Variants in LANCL3 observed in about 807,000 individuals in gnomAD.
LANCL3 encodes LanC like family member 3.
A neutral mutation model predicts 26.5 loss-of-function variants in LANCL3; 19 were observed. The ratio of observed to expected loss-of-function variants is 0.72; its 90% CI spans 0.50 to 1.05. The LOEUF is 1.05. LANCL3 is among the 50% of genes least tolerant of loss of function. The pLI is 0.00. For synonymous variants in LANCL3, 160 were observed against 166.6 expected (o/e 0.96, Z 0.30); for missense variants, 318 against 362.7 (o/e 0.88, Z 1.00).
intron 1 of LANCL3, among the ~76,000 whole-genome samples, chrX:37,636,348 T>C (rs1556425343): frequency 8.9e-6 from 1 of 112,081 alleles, no homozygotes. Context: ...ACTTGCTGGG[T>C]CAAATGGTGG....
chrX:37,675,080 T>A (rs1556436899), intron 4 of LANCL3, among the ~76,000 whole-genome samples: 1 of 112,288 alleles, frequency 8.9e-6, no homozygotes, highest in South Asian at 3.7e-4. Flanking sequence ...TCAAAAATAA[T>A]CTGTCTTGTA....
At chrX:37,599,247 G>A (rs1357003741) in intron 1 of LANCL3, among the ~76,000 whole-genome samples, 2 of 111,859 alleles carry the variant, frequency 1.8e-5, no homozygotes, top group Non-Finnish European at 3.8e-5. Flanking sequence ...GTTATTTTGT[G>A]AAAATATCAG....
intron 1 of LANCL3, among the ~76,000 whole-genome samples, chrX:37,585,667 C>T (rs1924049920): frequency 9.0e-6 from 1 of 111,532 alleles, no homozygotes; most frequent in African/African-American, 3.3e-5. Flanking sequence ...CCCTCCATCC[C>T]TTTATTTTGA....
At chrX:37,596,610 C>T (rs1924436656) in intron 1 of LANCL3, among the ~76,000 whole-genome samples, 1 of 111,866 alleles carries the variant, frequency 8.9e-6, no homozygotes, top group Non-Finnish European at 1.9e-5. Flanking sequence ...AGTATGTTCA[C>T]AGTGTCTTCT....
intron 1 of LANCL3, among the ~76,000 whole-genome samples, chrX:37,648,567 G>A (rs1362214950): frequency 2.7e-5 from 3 of 111,897 alleles, no homozygotes; most frequent in South Asian, 3.7e-4. Flanking sequence ...ACTTCATGAC[G>A]AAAACGCCAA....
intron 1 of LANCL3, among the ~76,000 whole-genome samples, chrX:37,628,428 A>G (rs1349803853): frequency 9.0e-6 from 1 of 110,846 alleles, no homozygotes; most frequent in Non-Finnish European, 1.9e-5. Flanking sequence ...GTAATGTGTG[A>G]TTTTTTTCAA....
At chrX:37,643,436 A>G (rs1480595315) in intron 1 of LANCL3, among the ~76,000 whole-genome samples, 3 of 112,349 alleles carry the variant, frequency 2.7e-5, no homozygotes, top group African/African-American at 6.5e-5. Flanking sequence ...TGTAAGACAC[A>G]TTAAAGACCG....
At chrX:37,642,462 A>C (rs1390030872) in intron 1 of LANCL3, among the ~76,000 whole-genome samples, 1 of 111,790 alleles carries the variant, frequency 8.9e-6, no homozygotes, top group Non-Finnish European at 1.9e-5. Flanking sequence ...TTTCTCCTCC[A>C]TCATTCTCAG....
chrX:37,622,068 A>T (rs1347217830), intron 1 of LANCL3, among the ~76,000 whole-genome samples: 1 of 110,933 alleles, frequency 9.0e-6, no homozygotes, highest in Non-Finnish European at 1.9e-5. Flanking sequence ...TTTTTCTAAG[A>T]ACCACCCCCG....
intron 1 of LANCL3, among the ~76,000 whole-genome samples, chrX:37,630,042 G>C (rs1271712709): frequency 3.4e-4 from 38 of 111,759 alleles, no homozygotes; most frequent in South Asian, 7.5e-4. Context: ...ACCTTGGGCA[G>C]TATGGCCATT....
At chrX:37,631,971 G>T (rs782069544) in intron 1 of LANCL3, among the ~76,000 whole-genome samples, 2 of 110,695 alleles carry the variant, frequency 1.8e-5, no homozygotes, top group Admixed American at 9.6e-5. Context: ...TATTAGGTCT[G>T]CTTGGTGCAG....
At chrX:37,616,310 G>A (rs1049582299) in intron 1 of LANCL3, among the ~76,000 whole-genome samples, 14 of 112,047 alleles carry the variant, frequency 1.2e-4, no homozygotes, top group Middle Eastern at 4.2e-3. Flanking sequence ...GGCACTTCTT[G>A]GCTCAGAGAA....
At chrX:37,648,257 C>T (rs1218235089) in intron 1 of LANCL3, among the ~76,000 whole-genome samples, 1 of 112,298 alleles carries the variant, frequency 8.9e-6, no homozygotes, top group African/African-American at 3.2e-5. Flanking sequence ...TTTGTATACT[C>T]CAGATATACA....
chrX:37,676,997 C>CAG lies in LANCL3; in HGVS notation c.*1185_*1186insGA, dbSNP rs1569471380. On this transcript the variant is annotated 3_prime_UTR_variant, in exon 5 of 5. Coordinates refer to ENST00000378619, the MANE Select transcript of LANCL3 (RefSeq NM_001170331.2). ...AGTGGTTTGCAGAACACTGTAGGAG[C>CAG]ATCTGTCACTTCATTATGCAGAGCA... 8.9e-6 allele frequency: 1 copy of CAG among 112,033 alleles called. No homozygotes were observed. Among genetic ancestry groups the CAG allele is most frequent in the East Asian group, 2.8e-4 (1 of 3,588 alleles). The allele number at this position is 112,033 out of a possible 1,213,427, so 9.2% of individuals were successfully genotyped here.
At chrX:37,617,777 A>T (rs1925049243) in intron 1 of LANCL3, among the ~76,000 whole-genome samples, 1 of 111,665 alleles carries the variant, frequency 9.0e-6, no homozygotes, top group Non-Finnish European at 1.9e-5. Flanking sequence ...GAGTAAGGGC[A>T]TTTCCCCAAA....
At chrX:37,631,527 C>T (rs1240621756) in intron 1 of LANCL3, among the ~76,000 whole-genome samples, 1 of 111,319 alleles carries the variant, frequency 9.0e-6, no homozygotes, top group Non-Finnish European at 1.9e-5. Context: ...TTTTCTAGTT[C>T]TTTTTATTGT....
chrX:37,600,105 C>T (rs1924540580), intron 1 of LANCL3, among the ~76,000 whole-genome samples: 1 of 112,065 alleles, frequency 8.9e-6, no homozygotes, highest in East Asian at 2.8e-4. Flanking sequence ...GTTTCACTTT[C>T]TGTGGTTTCA....
chrX:37,622,820 C>G (rs1925205094), intron 1 of LANCL3, among the ~76,000 whole-genome samples: 1 of 111,907 alleles, frequency 8.9e-6, no homozygotes, highest in African/African-American at 3.3e-5. Flanking sequence ...ACTGCCTATA[C>G]TCTGTCTCCA....
chrX:37,574,054 C>CAAAAAAAAAAAAAAAAAAAAAAA (rs34987799), intron 1 of LANCL3, among the ~76,000 whole-genome samples: 2 of 33,433 alleles, frequency 6.0e-5, no homozygotes, highest in African/African-American at 1.9e-4. Context: ...TCAAGGATAG[C>CAAAAAAAAAAAAAAAAAAAAAAA]AAAAAAAAAA....
Sources: gnomAD v4.1 joint callset for allele counts (sites outside exome capture counted in the v4.1 genomes callset) on GRCh38, gnomAD v4.1.1 for gene constraint, MANE v1.5 for transcripts, NCBI Gene and HGNC (gene_info 2026-07-23, HGNC 2026-07-21) for gene names.